The following RPL23A variants were observed in gnomAD, a reference collection of about 807,000 sequenced individuals.
RPL23A encodes large ribosomal subunit protein uL23.
In RPL23A, 2 loss-of-function variants were observed where a neutral mutation model predicts 17.6. That is an observed-to-expected ratio of 0.11 (90% CI 0.05 to 0.36). The LOEUF is 0.36. RPL23A is among the 10% of genes least tolerant of loss of function. The probability of loss-of-function intolerance (pLI) is 1.00; values close to 1 mark genes in which losing one functional copy is unlikely to be tolerated. For missense variants in RPL23A, 132 were observed against 194.4 expected (o/e 0.68, Z 1.91); for synonymous variants, 65 against 74.3 (o/e 0.87, Z 0.65).
At chr17:28,722,245 CAAAA>C (rs57128027) in intron 2 of RPL23A, among the ~76,000 whole-genome samples, 26 of 127,168 alleles carry the variant, frequency 2.0e-4, no homozygotes, top group East Asian at 2.2e-4. Context: ...GACTCTGTCT[CAAAA>C]AAAAAAAAAA....
At chr17:28,720,380 A>C in intron 1 of RPL23A, 1 of 1,569,252 alleles carries the variant, frequency 6.4e-7, no homozygotes, top group Non-Finnish European at 8.6e-7. Context: ...GTTCATGTTC[A>C]ACCGGGCTAC....
At chr17:28,721,002 C>G in intron 2 of RPL23A, 112 bp downstream of exon 2, 3 of 905,070 alleles carry the variant, frequency 3.3e-6, no homozygotes, top group Non-Finnish European at 5.2e-6. Flanking sequence ...GTCCAGTGTG[C>G]TTCTCTAATT....
At chr17:28,720,573 A>G (rs1465077203) in intron 1 of RPL23A, 134 bp from the exon 2 acceptor site, 4 of 1,378,158 alleles carry the variant, frequency 2.9e-6, no homozygotes, top group African/African-American at 1.4e-5. Flanking sequence ...AAAAGTTTTA[A>G]TCTCCTGACA....
chr17:28,723,136 C>T (rs1043016653), intron 3 of RPL23A, among the ~76,000 whole-genome samples: 2 of 151,682 alleles, frequency 1.3e-5, no homozygotes, highest in Non-Finnish European at 2.9e-5. Flanking sequence ...AAAAAAAATC[C>T]CCTGGACCTT....
intron 2 of RPL23A, chr17:28,721,822 A>T (rs569180351): frequency 6.6e-6 from 1 of 152,332 alleles, no homozygotes; most frequent in South Asian, 2.1e-4. Flanking sequence ...AAAGCAGTTC[A>T]CAGACTGTCT....
intron 2 of RPL23A, chr17:28,721,177 A>C: frequency 1.1e-5 from 3 of 272,524 alleles, no homozygotes; most frequent in Non-Finnish European, 1.4e-5. Context: ...ACATGGAGAA[A>C]CCCCGCGTCT....
At chr17:28,720,316 T>C (rs1289157878) in intron 1 of RPL23A, 9 of 1,550,642 alleles carry the variant, frequency 5.8e-6, no homozygotes, top group Non-Finnish European at 7.8e-6. Flanking sequence ...TGGAGCTCCA[T>C]GTCCCCGGGC....
In RPL23A at chr17:28,720,857, A is replaced by G. The variant is rs61738395; in HGVS notation, c.176A>G (p.Lys59Arg). ...ACACTGCGACTCCGGAGACAGCCCA[A>G]ATATCCTCGGAAGAGCGCTCCCAGG... ...PKTLRLRRQP[K>R]YPRKSAPRRN... is the part of the protein sequence containing the mutation. Residue 59 changes from lysine (K) to arginine (R), a missense_variant, in exon 2 of 5, where the codon AAA (lysine) becomes AGA (arginine). Transcript: ENST00000422514. 2.4e-4 allele frequency: 387 copies of G among 1,614,058 alleles called. 5 individuals are homozygous for G. The South Asian group carries it at 3.8e-3, about 16-fold the overall frequency.
At chr17:28,721,864 G>C (rs536110698) in intron 2 of RPL23A, 8 of 152,276 alleles carry the variant, frequency 5.3e-5, no homozygotes, top group African/African-American at 1.4e-4. Context: ...GCTGGACCTA[G>C]AATCAAGTGT....
rs35537717 is a variant in RPL23A at position 28,720,225 on chromosome 17, T to TGG, written c.25+203_25+204dup. Reference sequence around the variant, plus strand: ...TGGGCTGAGTTCCGGTAGAGGGAGTTGGGGGGGGGCAACGCGGCAGGCATC... The same window carrying TGG: ...TGGGCTGAGTTCCGGTAGAGGGAGTTGGGGGGGGGGGCAACGCGGCAGGCATC... On this transcript the variant is annotated intron_variant, in intron 1 of 4. Transcript: ENST00000422514. The TGG allele has an allele frequency of 2.9e-4, 443 of 1,506,026 alleles. 1 individual carries two copies. Among genetic ancestry groups the TGG allele is most frequent in the African/African-American group, 2.3e-3 (168 of 71,508 alleles). 93.3% of individuals were successfully genotyped at this position (1,506,026 alleles called of 1,614,324 possible).
At chr17:28,721,732 C>T (rs761263251) in intron 2 of RPL23A, 1 of 152,104 alleles carries the variant, frequency 6.6e-6, no homozygotes, top group Non-Finnish European at 1.5e-5. Context: ...TTGAGTAGAG[C>T]CATGGTAGTA....
chr17:28,720,384 G>C (rs889163776), intron 1 of RPL23A: 1 of 1,573,210 alleles, frequency 6.4e-7, no homozygotes, highest in African/African-American at 1.4e-5. Flanking sequence ...ATGTTCAACC[G>C]GGCTACATTA....
At chr17:28,721,135 T>C in intron 2 of RPL23A, 1 of 397,446 alleles carries the variant, frequency 2.5e-6, no homozygotes, top group Non-Finnish European at 4.7e-6. Context: ...GGCGGATCAC[T>C]TGAGGTCAGG....
rs896117460 is a variant in RPL23A, at chr17:28,724,073, T to A, written c.*192T>A. On this transcript the variant is annotated 3_prime_UTR_variant, in exon 5 of 5. Transcript: ENST00000422514. The stretch of plus-strand genomic sequence containing the variant: ...CTGCCACTCCACCATGTATGATCAT[T>A]CCAGAGATCTTTGTGACTAGAGTTA... The A allele has an allele frequency of 2.8e-5, 15 of 539,248 alleles. No individual in the cohort carries two copies. Among genetic ancestry groups the A allele is most frequent in the Non-Finnish European group, 4.8e-5 (15 of 311,906 alleles). 33.4% of individuals were successfully genotyped at this position (539,248 alleles called of 1,614,324 possible). A position where few individuals can be genotyped will look rare whatever the true frequency, so the allele number is the denominator to read the frequency against.
intron 2 of RPL23A, chr17:28,721,199 A>G (rs955682340): frequency 2.3e-5 from 6 of 264,436 alleles, no homozygotes; most frequent in Non-Finnish European, 3.7e-5. Context: ...TTAAAAATAG[A>G]AAATTCGCCG....
At chr17:28,722,676 C>T (rs2034138231) in intron 2 of RPL23A, 47 bp from the exon 3 acceptor site, 1 of 1,543,766 alleles carries the variant, frequency 6.5e-7, no homozygotes, top group African/African-American at 1.4e-5. Flanking sequence ...GCTCTGGGCT[C>T]CAAAAGAATG....
rs745950659 is a variant in RPL23A at position 28,720,834 on chromosome 17, A to G, written c.153A>G (p.Thr51=). 6.2e-7 allele frequency: 1 copy of G among 1,614,078 alleles called. No individual in the cohort carries two copies. Among genetic ancestry groups the G allele is most frequent in the Admixed American group, 1.7e-5 (1 of 60,024 alleles). Residue 51 remains threonine (T), a synonymous_variant, in exon 2 of 5, where the codon ACA becomes ACG. Transcript: ENST00000422514. The stretch of plus-strand genomic sequence containing the variant: ...CACCCACCTTCCGGCGGCCGAAGAC[A>G]CTGCGACTCCGGAGACAGCCCAAAT... ...RTSPTFRRPK[T]LRLRRQPKYP...
At chr17:28,720,135 T>G in intron 1 of RPL23A, 105 bp downstream of exon 1, 1 of 1,527,460 alleles carries the variant, frequency 6.5e-7, no homozygotes, top group Non-Finnish European at 8.9e-7. Flanking sequence ...AGGGCTCTGC[T>G]CCGGGGCTGC....
chr17:28,722,926 G>A, intron 3 of RPL23A, 27 bp downstream of exon 3: 1 of 1,605,934 alleles, frequency 6.2e-7, no homozygotes, highest in Non-Finnish European at 8.5e-7. Context: ...GGGATGGGGA[G>A]CAGGCTGGAC....
Sources: allele counts gnomAD v4.1 joint callset (sites outside exome capture counted in the v4.1 genomes callset), GRCh38; gene constraint gnomAD v4.1.1; transcripts MANE v1.5; gene names NCBI Gene and HGNC (gene_info 2026-07-23, HGNC 2026-07-21).